CAAP1: variants seen among roughly 807,000 people sequenced by gnomAD.
CAAP1 encodes conserved anti-apoptotic protein.
A neutral mutation model predicts 34.0 loss-of-function variants in CAAP1; 20 were observed. The ratio of observed to expected loss-of-function variants is 0.59; its 90% CI spans 0.41 to 0.86. The LOEUF (loss-of-function observed/expected upper bound fraction) is 0.86, where lower values mean the gene tolerates loss of function less well. CAAP1 is among the 40% of genes least tolerant of loss of function. The pLI is 0.00. For missense variants in CAAP1, 538 were observed against 450.5 expected (o/e 1.19, Z -1.76); for synonymous variants, 213 against 166.7 (o/e 1.28, Z -2.14).
intron 1 of CAAP1, among the ~76,000 whole-genome samples, 176 bp from the exon 2 acceptor site, chr9:26,887,689 T>C (rs1332731474): frequency 6.6e-6 from 1 of 152,196 alleles, no homozygotes; most frequent in East Asian, 1.9e-4. Flanking sequence ...TTACTTGATT[T>C]TTCTCTCCAC....
intron 1 of CAAP1, among the ~76,000 whole-genome samples, chr9:26,890,733 CAGG>C (rs1226501748): frequency 3.9e-5 from 6 of 152,152 alleles, no homozygotes; most frequent in Non-Finnish European, 8.8e-5. Flanking sequence ...ATCACGAGGT[CAGG>C]AGATCAAGAC....
At chr9:26,862,002 G>A (rs1305832296) in intron 4 of CAAP1, among the ~76,000 whole-genome samples, 1 of 152,088 alleles carries the variant, frequency 6.6e-6, no homozygotes, top group Non-Finnish European at 1.5e-5. Flanking sequence ...GCACTTAAAT[G>A]TGTTTTGTAT....
chr9:26,887,034 T>C (rs924683848), intron 2 of CAAP1, among the ~76,000 whole-genome samples: 2 of 151,982 alleles, frequency 1.3e-5, no homozygotes, highest in Non-Finnish European at 2.9e-5. Context: ...GCCAACACGG[T>C]GAAACCCCGT....
At chr9:26,857,618 C>CA (rs941787444) in intron 5 of CAAP1, among the ~76,000 whole-genome samples, 7 of 150,978 alleles carry the variant, frequency 4.6e-5, no homozygotes, top group East Asian at 1.9e-4. Flanking sequence ...GGTGACAGAG[C>CA]AAAAAAACAA....
intron 4 of CAAP1, chr9:26,870,038 AC>A: frequency 2.1e-4 from 120 of 570,608 alleles, no homozygotes; most frequent in Non-Finnish European, 2.5e-4. Flanking sequence ...AGAAAGAATA[AC>A]TTTTTTTTTT....
intron 5 of CAAP1, among the ~76,000 whole-genome samples, chr9:26,843,323 T>G (rs757689000): frequency 6.6e-6 from 1 of 152,160 alleles, no homozygotes; most frequent in Non-Finnish European, 1.5e-5. Context: ...ACAACATAAA[T>G]AAACACAGAT....
intron 4 of CAAP1, among the ~76,000 whole-genome samples, chr9:26,871,374 T>TA (rs549904695): frequency 6.6e-6 from 1 of 152,054 alleles, no homozygotes; most frequent in Non-Finnish European, 1.5e-5. Flanking sequence ...GTTCAGGAGT[T>TA]AGAGACGAGC....
chr9:26,857,575 T>A (rs1398393996), intron 5 of CAAP1, among the ~76,000 whole-genome samples: 1 of 152,060 alleles, frequency 6.6e-6, no homozygotes, highest in Admixed American at 6.6e-5. Context: ...GAGGTTACAG[T>A]GAGCTGAAAT....
intron 1 of CAAP1, among the ~76,000 whole-genome samples, chr9:26,891,760 G>A (rs993775998): frequency 2.0e-5 from 3 of 152,206 alleles, no homozygotes; most frequent in African/African-American, 7.2e-5. Flanking sequence ...GTGATTAAAA[G>A]AGGCCGCGTA....
chr9:26,884,779 T>C (rs539707752), intron 4 of CAAP1, 31 bp downstream of exon 4: 13 of 1,466,852 alleles, frequency 8.9e-6, no homozygotes, highest in African/African-American at 1.4e-5. Flanking sequence ...CAAAGAAATT[T>C]TGAAATAAAA....
chr9:26,865,755 A>G (rs1367723143), intron 4 of CAAP1, among the ~76,000 whole-genome samples: 1 of 152,152 alleles, frequency 6.6e-6, no homozygotes, highest in Non-Finnish European at 1.5e-5. Flanking sequence ...CATCATAACA[A>G]TCCTATGAGG....
At chr9:26,890,644 G>T (rs547561770) in intron 1 of CAAP1, among the ~76,000 whole-genome samples, 3 of 151,782 alleles carry the variant, frequency 2.0e-5, no homozygotes, top group South Asian at 4.2e-4. Flanking sequence ...ATCTAATTTA[G>T]AAACATATAC....
chr9:26,880,401 T>C, intron 4 of CAAP1: 1 of 281,358 alleles, frequency 3.6e-6, no homozygotes, highest in Non-Finnish European at 7.2e-6. Flanking sequence ...ACTGATTTCA[T>C]GGAGTGCCAC....
chr9:26,888,266 A>G (rs1823802890), intron 1 of CAAP1, among the ~76,000 whole-genome samples: 1 of 152,224 alleles, frequency 6.6e-6, no homozygotes, highest in Non-Finnish European at 1.5e-5. Flanking sequence ...CTAAGGTAAT[A>G]TGGCCTACCT....
chr9:26,870,049 T>C, intron 4 of CAAP1: 1 of 676,152 alleles, frequency 1.5e-6, no homozygotes, highest in Non-Finnish European at 1.8e-6. Flanking sequence ...CTTTTTTTTT[T>C]TTTTTTTTTT....
chr9:26,844,425 C>T (rs1587084305), intron 5 of CAAP1, among the ~76,000 whole-genome samples: 1 of 152,096 alleles, frequency 6.6e-6, no homozygotes, highest in East Asian at 1.9e-4. Flanking sequence ...GTCTCCGAGG[C>T]TTTACCTAAA....
intron 4 of CAAP1, among the ~76,000 whole-genome samples, chr9:26,863,264 C>G (rs1286180038): frequency 1.3e-5 from 2 of 152,176 alleles, no homozygotes; most frequent in Non-Finnish European, 2.9e-5. Context: ...GAATTTCAGA[C>G]AGTAAGTATT....
chr9:26,868,007 G>A (rs1038520755), intron 4 of CAAP1, among the ~76,000 whole-genome samples: 1 of 151,906 alleles, frequency 6.6e-6, no homozygotes, highest in African/African-American at 2.4e-5. Context: ...GAAACAGAAA[G>A]GTTTTTATCT....
rs1272470432 is a variant in CAAP1 at position 26,892,418 on chromosome 9, G to C, written c.298C>G (p.Gln100Glu). ...TDSSSVSGSLQQETKYILPTL... is the reference protein window; with the variant it reads ...TDSSSVSGSLEQETKYILPTL... ...CCAGAGGGGCGCGCACGCACCTGCT[G>C]CAAGGAGCCCGAGACGCTGGAAGAG... Residue 100 changes from glutamine (Q) to glutamate (E), a missense_variant, in exon 1 of 6, where the codon CAG becomes GAG. By Grantham distance (29) the Gln-to-Glu change is conservative (BLOSUM62 2). Coordinates refer to ENST00000333916, the MANE Select transcript of CAAP1 (RefSeq NM_024828.4). 1 of 1,604,890 alleles carries C rather than the reference G, an allele frequency of 6.2e-7. No homozygotes were observed. Among genetic ancestry groups the C allele is most frequent in the Admixed American group, 1.7e-5 (1 of 59,448 alleles).
Sources: gnomAD v4.1 joint callset for allele counts (sites outside exome capture counted in the v4.1 genomes callset) on GRCh38, gnomAD v4.1.1 for gene constraint, MANE v1.5 for transcripts, NCBI Gene and HGNC (gene_info 2026-07-23, HGNC 2026-07-21) for gene names.